The following ATP8A2 variants were observed in gnomAD, a reference collection of about 807,000 sequenced individuals.
ATP8A2 encodes the protein ATPase phospholipid transporting 8A2.
ATP8A2 carries 100 observed loss-of-function variants against 165.6 expected under a neutral mutation model. The ratio of observed to expected loss-of-function variants is 0.60; its 90% CI spans 0.51 to 0.71. The LOEUF (loss-of-function observed/expected upper bound fraction) is 0.71, where lower values mean the gene tolerates loss of function less well. Ranked by LOEUF, ATP8A2 falls within the 30% of genes least tolerant of loss-of-function variation. The probability of loss-of-function intolerance (pLI) is 0.00; values close to 1 mark genes in which losing one functional copy is unlikely to be tolerated. For synonymous variants in ATP8A2, 543 were observed against 548.8 expected, an observed-to-expected ratio of 0.99 and a Z score of 0.15; for missense variants, 1,227 against 1,479.5, an observed-to-expected ratio of 0.83 and a Z score of 2.80.
At chr13:25,558,477 C>A (rs886919049) in intron 13 of ATP8A2, among the ~76,000 whole-genome samples, 3 of 152,086 alleles carry the variant, frequency 2.0e-5, no homozygotes, top group African/African-American at 7.2e-5. Context: ...ACTGAGTAAG[C>A]AATTCATGTA....
chr13:25,403,493 T>C (rs1367580724), intron 1 of ATP8A2, among the ~76,000 whole-genome samples: 6 of 152,140 alleles, frequency 3.9e-5, no homozygotes. Flanking sequence ...AGAAAATTCT[T>C]TAAAGAGAGA....
At chr13:25,941,052 C>T (rs1180406757) in intron 33 of ATP8A2, among the ~76,000 whole-genome samples, 1 of 152,174 alleles carries the variant, frequency 6.6e-6, no homozygotes, top group Non-Finnish European at 1.5e-5. Flanking sequence ...GCACTCCACA[C>T]CCACAATTCC....
At chr13:25,776,564 T>C (rs1475938463) in intron 27 of ATP8A2, among the ~76,000 whole-genome samples, 6 of 152,224 alleles carry the variant, frequency 3.9e-5, no homozygotes, top group Non-Finnish European at 5.9e-5. Flanking sequence ...GTAAGAACTT[T>C]AGTGGTTTCT....
In ATP8A2 at chr13:25,987,587, G is replaced by T. The variant is rs1431884683; in HGVS notation, c.3377+18908G>T. ...TGTTGCCTCACTCCCCGTCACCACT[G>T]TGAAGCCTCCTCTTTTAACATAAGG... On this transcript the variant is annotated intron_variant, in intron 35 of 36. Transcript: ENST00000381655. Among the ~76,000 whole-genome samples, 4 of 152,158 alleles carry T rather than the reference G, an allele frequency of 2.6e-5. No homozygotes were observed. In the East Asian group the frequency reaches 7.7e-4, roughly 29 times the overall value.
At chr13:25,620,622 A>C (rs908782570) in intron 24 of ATP8A2, among the ~76,000 whole-genome samples, 1 of 152,240 alleles carries the variant, frequency 6.6e-6, no homozygotes, top group Non-Finnish European at 1.5e-5. Context: ...CTTGAAATAT[A>C]ATACAATTGC....
At chr13:25,689,364 A>G (rs915523634) in intron 24 of ATP8A2, among the ~76,000 whole-genome samples, 8 of 152,208 alleles carry the variant, frequency 5.3e-5, no homozygotes, top group African/African-American at 1.7e-4. Flanking sequence ...ATAACCCTTT[A>G]TCTTCCTTTG....
At position 25,913,162 on chromosome 13, in the gene ATP8A2, C is replaced by G. The variant is rs150970362; in HGVS notation, c.3184-48413C>G. Among the ~76,000 whole-genome samples the G allele has an allele frequency of 5.2e-3, 799 of 152,270 alleles. 8 individuals are homozygous for G. The highest frequency in any genetic ancestry group is 0.018 in the African/African-American group (750 of 41,542). On this transcript the variant is annotated intron_variant, in intron 33 of 36. Coordinates refer to ENST00000381655, the MANE Select transcript of ATP8A2 (RefSeq NM_016529.6). Reference sequence around the variant, plus strand: ...GATAGGCCATCTGTTGTCATCATTGCCCCAGGATCGCATAGCCAGGAAGGA... The same window carrying G: ...GATAGGCCATCTGTTGTCATCATTGGCCCAGGATCGCATAGCCAGGAAGGA...
At chr13:25,652,175 TCTCAGA>T (rs2137636124) in intron 24 of ATP8A2, among the ~76,000 whole-genome samples, 3 of 152,276 alleles carry the variant, frequency 2.0e-5, no homozygotes, top group African/African-American at 7.2e-5. Context: ...GGTGGTAAAA[TCTCAGA>T]ATATTTAAAA....
At chr13:25,383,494 T>C (rs1033522543) in intron 1 of ATP8A2, among the ~76,000 whole-genome samples, 1 of 152,176 alleles carries the variant, frequency 6.6e-6, no homozygotes, top group African/African-American at 2.4e-5. Context: ...CAGAAACATG[T>C]TTTCCAAATA....
At chr13:25,424,344 G>A (rs773321659) in intron 1 of ATP8A2, among the ~76,000 whole-genome samples, 13 of 152,126 alleles carry the variant, frequency 8.5e-5, no homozygotes, top group Non-Finnish European at 1.8e-4. Context: ...CTAACACATG[G>A]CAGTGTTGTT....
At chr13:25,451,058 C>T in intron 1 of ATP8A2, among the ~76,000 whole-genome samples, 1 of 152,072 alleles carries the variant, frequency 6.6e-6, no homozygotes, top group East Asian at 1.9e-4. Context: ...CTCTCTAACC[C>T]CTTTTTCCCT....
chr13:25,579,944 G>T lies in ATP8A2; in HGVS notation c.2004G>T (p.Glu668Asp). Residue 668 changes from glutamate (E) to aspartate (D), a missense_variant, in exon 22 of 37, where the codon GAG (glutamate) becomes GAT (aspartate). By Grantham distance (45) the Glu-to-Asp change is conservative. Coordinates refer to ENST00000381655, the MANE Select transcript of ATP8A2 (RefSeq NM_016529.6). ...QRLEECYEII[E>D]KNLLLLGATA... ...TGGAAGAGTGTTACGAGATCATTGA[G>T]AAGGTAACCGCACACAATACAGTCT... 1 of 1,613,998 alleles carries T rather than the reference G, an allele frequency of 6.2e-7. No homozygotes were observed. Among genetic ancestry groups the T allele is most frequent in the Non-Finnish European group, 8.5e-7 (1 of 1,179,966 alleles).
chr13:25,800,408 C>T (rs1431482832), intron 27 of ATP8A2, among the ~76,000 whole-genome samples: 2 of 151,992 alleles, frequency 1.3e-5, no homozygotes, highest in Non-Finnish European at 2.9e-5. Context: ...AAAAGTCAAC[C>T]AAAAGATGCT....
intron 1 of ATP8A2, 123 bp from the exon 2 acceptor site, chr13:25,468,854 G>C (rs576733129): frequency 2.1e-6 from 3 of 1,457,186 alleles, no homozygotes; most frequent in Admixed American, 2.3e-5. Context: ...CGTAGGCGGC[G>C]TCCGCCTCAC....
At chr13:25,756,030 C>T (rs1162355607) in intron 25 of ATP8A2, among the ~76,000 whole-genome samples, 1 of 152,158 alleles carries the variant, frequency 6.6e-6, no homozygotes, top group Admixed American at 6.5e-5. Context: ...CCACCTCTGT[C>T]CTGAAGACCT....
chr13:25,874,937 AT>A (rs775107307), intron 33 of ATP8A2, among the ~76,000 whole-genome samples: 14 of 152,164 alleles, frequency 9.2e-5, no homozygotes, highest in Admixed American at 1.3e-4. Flanking sequence ...AGTTGAGGAC[AT>A]TATGTAAAGT....
chr13:25,923,284 A>G (rs1954512326), intron 33 of ATP8A2, among the ~76,000 whole-genome samples: 1 of 152,202 alleles, frequency 6.6e-6, no homozygotes, highest in Non-Finnish European at 1.5e-5. Context: ...ATTGTATTTT[A>G]TTAAAGTCTT....
chr13:25,586,665 C>T lies in ATP8A2; in HGVS notation c.2147-2970C>T, dbSNP rs146288493. On this transcript the variant is annotated intron_variant, in intron 23 of 36. Transcript: ENST00000381655. ...TTGAGAACCAGTAACATGCTCACTG[C>T]GGGTTGGTACCATGTTGAATCCTGT... Among the ~76,000 whole-genome samples the T allele has an allele frequency of 4.7e-4, 71 of 152,284 alleles. No individual in the cohort carries two copies. In the East Asian group the frequency reaches 0.01, roughly 22 times the overall value.
chr13:25,970,006 T>G (rs1955876920), intron 35 of ATP8A2, among the ~76,000 whole-genome samples: 1 of 152,310 alleles, frequency 6.6e-6, no homozygotes, highest in Admixed American at 6.5e-5. Context: ...AAAAACATAT[T>G]CATAAGCTCC....
Sources: gnomAD v4.1 joint callset for allele counts (sites outside exome capture counted in the v4.1 genomes callset) on GRCh38, gnomAD v4.1.1 for gene constraint, MANE v1.5 for transcripts, NCBI Gene and HGNC (gene_info 2026-07-23, HGNC 2026-07-21) for gene names.